The following TIFA variants were observed in gnomAD, a reference collection of about 807,000 sequenced individuals.
TIFA encodes the protein TRAF-interacting protein with FHA domain-containing protein A.
For missense variants in TIFA, 186 were observed against 215.2 expected (o/e 0.86, Z 0.85); for synonymous variants, 75 against 79.2 (o/e 0.95, Z 0.28).
chr4:112,281,908 G>A (rs1727235378), intron 1 of TIFA: 2 of 152,204 alleles, frequency 1.3e-5, no homozygotes, highest in South Asian at 2.1e-4. Flanking sequence ...AGCCTGAGCT[G>A]ATGGATGCAT....
intron 1 of TIFA, among the ~76,000 whole-genome samples, chr4:112,283,894 C>T (rs1045925101): frequency 3.3e-5 from 5 of 152,074 alleles, no homozygotes; most frequent in Non-Finnish European, 7.3e-5. Flanking sequence ...ATGGAATTGA[C>T]AGTGGTTGGA....
chr4:112,283,726 C>A (rs1727266957), intron 1 of TIFA, among the ~76,000 whole-genome samples: 1 of 152,134 alleles, frequency 6.6e-6, no homozygotes, highest in African/African-American at 2.4e-5. Flanking sequence ...CAATGGTTAC[C>A]TCTGGAGACA....
chr4:112,277,645 A>G lies in TIFA; in HGVS notation c.*217T>C. On this transcript the variant is annotated 3_prime_UTR_variant, in exon 2 of 2. Transcript: ENST00000361717. ...ATATTAATCCTCACAGATTAATAAGAGCAGTTAAAATAATTTTGTGTAGAT... is the reference window on the plus strand; with the variant it reads ...ATATTAATCCTCACAGATTAATAAGGGCAGTTAAAATAATTTTGTGTAGAT... The G allele has an allele frequency of 2.4e-6, 1 of 420,312 alleles. No individual in the cohort carries two copies. The highest frequency in any genetic ancestry group is 4.2e-6 in the Non-Finnish European group (1 of 238,830). The allele number at this position is 420,312 out of a possible 1,614,324, so 26.0% of individuals were successfully genotyped here.
chr4:112,285,334 GT>G (rs1727303031), intron 1 of TIFA, among the ~76,000 whole-genome samples: 1 of 151,928 alleles, frequency 6.6e-6, no homozygotes, highest in African/African-American at 2.4e-5. Flanking sequence ...AATGGCATTC[GT>G]TTTTGTTTTC....
Position 112,283,319 on chromosome 4 carries a change from A to T in TIFA, c.-19+2321T>A, listed in dbSNP as rs145818832. 1.4e-3 allele frequency among the ~76,000 whole-genome samples: 207 copies of T among 152,336 alleles called. 2 individuals carry two copies. In the East Asian group the frequency reaches 0.031, roughly 23 times the overall value. ...ACCATTAGTGCTACCTCATAGGAGGAACAGGCTCTGAAGCACCAGGTTACG... is the reference window on the plus strand; with the variant it reads ...ACCATTAGTGCTACCTCATAGGAGGTACAGGCTCTGAAGCACCAGGTTACG... On this transcript the variant is annotated intron_variant, in intron 1 of 1. Coordinates refer to ENST00000361717, the MANE Select transcript of TIFA (RefSeq NM_052864.3).
At chr4:112,282,878 G>A (rs573904162) in intron 1 of TIFA, among the ~76,000 whole-genome samples, 1 of 152,316 alleles carries the variant, frequency 6.6e-6, no homozygotes, top group African/African-American at 2.4e-5. Context: ...CATTCTGGGT[G>A]TGGATAAAGG....
At chr4:112,279,703 G>A (rs867473103) in intron 1 of TIFA, among the ~76,000 whole-genome samples, 1 of 148,916 alleles carries the variant, frequency 6.7e-6, no homozygotes, top group Admixed American at 6.7e-5. Context: ...ACAGGTCTCT[G>A]TCGCCCAGGC....
In TIFA at chr4:112,278,360, C is replaced by G. The variant is rs761391882; in HGVS notation, c.57G>C (p.Thr19=). Residue 19 remains threonine, a synonymous_variant, in exon 2 of 2, where the codon ACG becomes ACC. Transcript: ENST00000361717. ...TEETVTCLQM[T]VYHPGQLQCG... ...ACTGCAACTGGCCAGGATGGTAAAC[C>G]GTCATCTGGAGACAAGTTACTGTCT... 2 of 1,605,026 alleles carry G rather than the reference C, an allele frequency of 1.2e-6. No homozygotes were observed. The highest frequency in any genetic ancestry group is 3.4e-5 in the Admixed American group (2 of 58,678).
chr4:112,284,003 A>C (rs953740535), intron 1 of TIFA, among the ~76,000 whole-genome samples: 1 of 152,246 alleles, frequency 6.6e-6, no homozygotes, highest in African/African-American at 2.4e-5. Flanking sequence ...ATCTGTGTTA[A>C]CAAAGGAAAT....
At chr4:112,283,051 C>T (rs1450614870) in intron 1 of TIFA, among the ~76,000 whole-genome samples, 1 of 152,202 alleles carries the variant, frequency 6.6e-6, no homozygotes, top group African/African-American at 2.4e-5. Flanking sequence ...TGAATCACTG[C>T]TTCACTGATA....
rs1727151539 is a variant in TIFA, at chr4:112,277,958, G to T, written c.459C>A (p.Asn153Lys). 1.9e-6 allele frequency: 3 copies of T among 1,614,042 alleles called. No individual in the cohort carries two copies. The East Asian group carries it at 6.7e-5, about 36-fold the overall frequency. Residue 153 changes from asparagine to lysine, a missense_variant, in exon 2 of 2, where the codon AAC becomes AAA. Physicochemically the swap from Asn to Lys is moderately conservative, Grantham distance 94 (BLOSUM62 0). Coordinates refer to ENST00000361717, the MANE Select transcript of TIFA (RefSeq NM_052864.3). ...LSPRSLLQEN[N>K]WPPHRPIPEY... The stretch of plus-strand genomic sequence containing the variant: ...CCGGTATGGGCCTGTGTGGTGGCCA[G>T]TTGTTTTCTTGCAAGAGTGATCTTG...
Position 112,278,283 on chromosome 4 carries a change from T to G in TIFA, c.134A>C (p.Glu45Ala), listed in dbSNP as rs749425151. ...SFNREKLPSS[E>A]VVKFGRNSNI... is the part of the protein sequence containing the mutation. ...GGAATTTCGGCCAAATTTCACCACT[T>G]CGCTGGAAGGGAGTTTCTCTCTGTT... Residue 45 changes from glutamate (E) to alanine (A), a missense_variant, in exon 2 of 2, where the codon GAA becomes GCA. By Grantham distance (107) the Glu-to-Ala change is moderately radical. Transcript: ENST00000361717. The G allele has an allele frequency of 6.2e-7, 1 of 1,614,150 alleles. No homozygotes were observed. Among genetic ancestry groups the G allele is most frequent in the East Asian group, 2.2e-5 (1 of 44,878 alleles).
intron 1 of TIFA, among the ~76,000 whole-genome samples, chr4:112,283,504 G>A (rs1458768395): frequency 2.0e-5 from 3 of 152,122 alleles, no homozygotes; most frequent in African/African-American, 7.2e-5. Context: ...CAAAGCCACA[G>A]AGTCCCTCTA....
Position 112,277,601 on chromosome 4 carries a change from C to G in TIFA, c.*261G>C. ...CCTTATTTTGAGAACACGACTTCATCTCAAAGGATACTTTTTGTATATTAA... is the reference window on the plus strand; with the variant it reads ...CCTTATTTTGAGAACACGACTTCATGTCAAAGGATACTTTTTGTATATTAA... On this transcript the variant is annotated 3_prime_UTR_variant, in exon 2 of 2. Transcript: ENST00000361717. The G allele has an allele frequency of 3.3e-6, 1 of 303,132 alleles. No homozygotes were observed. The highest frequency in any genetic ancestry group is 6.1e-6 in the Non-Finnish European group (1 of 164,822). 18.8% of individuals were successfully genotyped at this position (303,132 alleles called of 1,614,324 possible). A position where few individuals can be genotyped will look rare whatever the true frequency, so the allele number is the denominator to read the frequency against.
At chr4:112,280,790 T>C (rs1222759305) in intron 1 of TIFA, among the ~76,000 whole-genome samples, 4 of 152,224 alleles carry the variant, frequency 2.6e-5, no homozygotes, top group African/African-American at 4.8e-5. Context: ...TGAAAATGCA[T>C]CTTCAATTTT....
rs985375163 is a variant in TIFA, at chr4:112,276,994, G to A, written c.*868C>T. 6 of 152,050 alleles carry A rather than the reference G, an allele frequency of 3.9e-5. No homozygotes were observed. Among genetic ancestry groups the A allele is most frequent in the African/African-American group, 7.2e-5 (3 of 41,398 alleles). The allele number at this position is 152,050 out of a possible 1,614,324, so 9.4% of individuals were successfully genotyped here. On this transcript the variant is annotated 3_prime_UTR_variant, in exon 2 of 2. Transcript: ENST00000361717. ...GTTAATATTTTAGAAATATTTAAGC[G>A]TTTATCATAAACATTCACATACATT...
Position 112,278,055 on chromosome 4 carries a change from T to C in TIFA, c.362A>G (p.Glu121Gly), listed in dbSNP as rs1309950243. 5 of 1,613,916 alleles carry C rather than the reference T, an allele frequency of 3.1e-6. No homozygotes were observed. Among genetic ancestry groups the C allele is most frequent in the Non-Finnish European group, 3.4e-6 (4 of 1,179,996 alleles). The change falls in exon 2 of 2, where the codon GAG (glutamate) becomes GGG (glycine). Residue 121 changes from glutamate to glycine, a missense_variant. Coordinates refer to ENST00000361717, the MANE Select transcript of TIFA (RefSeq NM_052864.3). ...TTCCTTCTCCATCAGAAACTGATAC[T>C]CTCCGAATCTGACCATGCACCTGTA... ...LPYRCMVRFG[E>G]YQFLMEKEDG...
intron 1 of TIFA, among the ~76,000 whole-genome samples, chr4:112,283,788 C>T (rs1457325188): frequency 2.0e-5 from 3 of 152,086 alleles, no homozygotes; most frequent in Non-Finnish European, 4.4e-5. Context: ...TGCACACACA[C>T]TCTACACCTT....
intron 1 of TIFA, among the ~76,000 whole-genome samples, chr4:112,284,030 T>C (rs1185562054): frequency 6.6e-6 from 1 of 151,948 alleles, no homozygotes; most frequent in African/African-American, 2.4e-5. Context: ...AATATAGAAA[T>C]AAAAATAAGC....
Sources: gnomAD v4.1 joint callset for allele counts (sites outside exome capture counted in the v4.1 genomes callset) on GRCh38, gnomAD v4.1.1 for gene constraint, MANE v1.5 for transcripts, NCBI Gene and HGNC (gene_info 2026-07-23, HGNC 2026-07-21) for gene names.